The following QSOX2 variants were observed in gnomAD, a reference collection of about 807,000 sequenced individuals.
QSOX2 encodes sulfhydryl oxidase 2.
In QSOX2, 46 loss-of-function variants were observed where a neutral mutation model predicts 61.7. That is an observed-to-expected ratio of 0.75 (90% CI 0.59 to 0.95). The LOEUF is 0.95. Among genes scored for constraint, QSOX2 ranks in the 40% least tolerant of loss-of-function variants. The probability of loss-of-function intolerance (pLI) is 0.00; values close to 1 mark genes in which losing one functional copy is unlikely to be tolerated. For missense variants in QSOX2, 879 were observed against 918.9 expected (o/e 0.96, Z 0.56); for synonymous variants, 383 against 388.4 (o/e 0.99, Z 0.16).
chr9:136,222,476 C>A lies in QSOX2; in HGVS notation c.676-535G>T, dbSNP rs1829146455. 6.6e-6 allele frequency among the ~76,000 whole-genome samples: 1 copy of A among 152,212 alleles called. No homozygotes were observed. Among genetic ancestry groups the A allele is most frequent in the South Asian group, 2.1e-4 (1 of 4,834 alleles). ...GGAAGAAACCCTGCGTGCGCCACCA[C>A]CACATCGGGCGTACGTCTTTCCTTC... On this transcript the variant is annotated intron_variant, in intron 5 of 11. Transcript: ENST00000358701. The surrounding 1 kb of genome is among the most constrained non-coding windows in gnomAD (Gnocchi z 6.9).
chr9:136,221,777 A>G lies in QSOX2; in HGVS notation c.821+19T>C. 1.3e-6 allele frequency: 2 copies of G among 1,577,822 alleles called. No individual in the cohort carries two copies. Among genetic ancestry groups the G allele is most frequent in the Non-Finnish European group, 1.7e-6 (2 of 1,159,176 alleles). ...ACTCCGAGCGGCACGGAGTTCCCAG[A>G]CCCCACCCGGGCACTCACACGTTAA... On this transcript the variant is annotated intron_variant, in intron 6 of 11. Transcript: ENST00000358701. This position sits in a 1 kb window ranked among gnomAD's most constrained non-coding sequence, Gnocchi z 4.5.
At position 136,215,179 on chromosome 9, in the gene QSOX2, G is replaced by A; in HGVS notation, c.1335C>T (p.Thr445=). The change falls in exon 10 of 12, where the codon ACC becomes ACT. Residue 445 remains threonine, a synonymous_variant. Transcript: ENST00000358701. ...CTGTGCCAACCAGTGCATCTGGGTGGGTCGAGGCTTCAACAGTCAAAGTGT... is the reference window on the plus strand; with the variant it reads ...CTGTGCCAACCAGTGCATCTGGGTGAGTCGAGGCTTCAACAGTCAAAGTGT... ...LFHTLTVEAS[T]HPDALVGTGF... is the part of the protein sequence containing the mutation. 6.2e-7 allele frequency: 1 copy of A among 1,614,014 alleles called. No individual in the cohort carries two copies. The highest frequency in any genetic ancestry group is 8.5e-7 in the Non-Finnish European group (1 of 1,179,996).
chr9:136,244,133 A>T lies in QSOX2; in HGVS notation c.328+1343T>A, dbSNP rs139848871. Among the ~76,000 whole-genome samples, 143 of 152,304 alleles carry T rather than the reference A, an allele frequency of 9.4e-4. 2 individuals carry two copies. The East Asian group carries it at 0.014, about 15-fold the overall frequency. On this transcript the variant is annotated intron_variant, in intron 1 of 11. Transcript: ENST00000358701. ...CAGGGCCACCTGCATTTTAATGAAC[A>T]TATCTGTTTCTGCCACTGAATAACA...
At position 136,208,968 on chromosome 9, in the gene QSOX2, A is replaced by T; in HGVS notation, c.1857T>A (p.Pro619=). 3 of 1,613,574 alleles carry T rather than the reference A, an allele frequency of 1.9e-6. No individual in the cohort carries two copies. The highest frequency in any genetic ancestry group is 2.5e-6 in the Non-Finnish European group (3 of 1,179,670). The part of the protein sequence containing the change: ...VRPPGALGPR[P]ALPESLHHSL... ...TGTGATGCAAGCTCTCTGGAAGGGC[A>T]GGCCTGGGGCCCAGTGCACCAGGTG... is the stretch of plus-strand genomic sequence containing the variant. Residue 619 remains proline (P), a synonymous_variant, in exon 12 of 12, where the codon CCT becomes CCA. Transcript: ENST00000358701.
rs1830346813 is a variant in QSOX2, at chr9:136,233,039, A to C, written c.329-6165T>G. ...TGCCCTATTAGGGAAAAAATGCCAC[A>C]AAGGACATGAATTAGGAAGGAAGAG... On this transcript the variant is annotated intron_variant, in intron 1 of 11. Transcript: ENST00000358701. Among the ~76,000 whole-genome samples the C allele has an allele frequency of 2.0e-5, 3 of 152,184 alleles. No individual in the cohort carries two copies. In the South Asian group the frequency reaches 6.2e-4, roughly 32 times the overall value.
chr9:136,216,769 C>G, intron 8 of QSOX2, 47 bp from the exon 9 acceptor site: 1 of 1,605,320 alleles, frequency 6.2e-7, no homozygotes, highest in Non-Finnish European at 8.5e-7. Flanking sequence ...CAAACCCGGG[C>G]CCGCCCCCAC....
Position 136,221,181 on chromosome 9 carries a change from C to T in QSOX2, c.821+615G>A, listed in dbSNP as rs930559233. ...AGGGCTTATCCTCATGAGGGGCACACGGGCACCCCACGCAGGGGCAAAGGG... is the reference window on the plus strand; with the variant it reads ...AGGGCTTATCCTCATGAGGGGCACATGGGCACCCCACGCAGGGGCAAAGGG... On this transcript the variant is annotated intron_variant, in intron 6 of 11. Transcript: ENST00000358701. The surrounding 1 kb of genome is among the most constrained non-coding windows in gnomAD (Gnocchi z 4.5). Among the ~76,000 whole-genome samples the T allele has an allele frequency of 4.0e-5, 6 of 151,090 alleles. No homozygotes were observed. Among genetic ancestry groups the T allele is most frequent in the Non-Finnish European group, 7.4e-5 (5 of 67,902 alleles).
chr9:136,227,010 C>G, intron 1 of QSOX2, 136 bp from the exon 2 acceptor site: 2 of 688,522 alleles, frequency 2.9e-6, no homozygotes, highest in Non-Finnish European at 5.3e-6. Context: ...TCAGTTAGGC[C>G]CTCATCACAC....
At chr9:136,235,614 G>A (rs866579674) in intron 1 of QSOX2, among the ~76,000 whole-genome samples, 1 of 152,214 alleles carries the variant, frequency 6.6e-6, no homozygotes, top group African/African-American at 2.4e-5. Context: ...TAACCACCAC[G>A]ACGTCTGAGT....
chr9:136,228,180 G>A (rs1230158917), intron 1 of QSOX2, among the ~76,000 whole-genome samples: 1 of 152,122 alleles, frequency 6.6e-6, no homozygotes, highest in Non-Finnish European at 1.5e-5. Context: ...CCACCCAGAG[G>A]CAAGCGACGC....
At chr9:136,215,385 G>A (rs1368408019) in intron 9 of QSOX2, 81 bp from the exon 10 acceptor site, 8 of 981,712 alleles carry the variant, frequency 8.1e-6, no homozygotes, top group Non-Finnish European at 1.1e-5. Flanking sequence ...CTGCCTTCTT[G>A]ACTGGGGGGG....
chr9:136,210,091 G>C (rs1461253876), intron 11 of QSOX2: 1 of 985,344 alleles, frequency 1.0e-6, no homozygotes, highest in African/African-American at 1.7e-5. Flanking sequence ...CACTGACTGC[G>C]TGCTTATCCG....
At chr9:136,234,421 C>G (rs1026126507) in intron 1 of QSOX2, among the ~76,000 whole-genome samples, 2 of 152,178 alleles carry the variant, frequency 1.3e-5, no homozygotes, top group African/African-American at 4.8e-5. Flanking sequence ...GGGAGTGCTG[C>G]CCTTCTAACT....
rs1332214742 is a variant in QSOX2 at position 136,223,405 on chromosome 9, G to A, written c.675+358C>T. ...CAAAAATGTTGAGAGTTCAGAATAC[G>A]GCAACGAAAAAAATCTTAGTAATAA... On this transcript the variant is annotated intron_variant, in intron 5 of 11. Transcript: ENST00000358701. The surrounding 1 kb of genome is among the most constrained non-coding windows in gnomAD (Gnocchi z 4.4). Among the ~76,000 whole-genome samples, 1 of 152,052 alleles carries A rather than the reference G, an allele frequency of 6.6e-6. No individual in the cohort carries two copies. The highest frequency in any genetic ancestry group is 1.5e-5 in the Non-Finnish European group (1 of 68,002).
At chr9:136,239,510 CTCCCTGCTTTGT>C (rs1364431295) in intron 1 of QSOX2, among the ~76,000 whole-genome samples, 3 of 152,266 alleles carry the variant, frequency 2.0e-5, no homozygotes, top group Non-Finnish European at 4.4e-5. Context: ...AGGTGGGGAC[CTCCCTGCTTTGT>C]TCCCTGCTGT....
rs760718029 is a variant in QSOX2, at chr9:136,209,133, G to A, written c.1692C>T (p.Arg564=). 47 of 1,614,066 alleles carry A rather than the reference G, an allele frequency of 2.9e-5. No homozygotes were observed. In the East Asian group the frequency reaches 5.6e-4, roughly 19 times the overall value. ...VLTFLKQHYG[R]DNLLDTYSAD... is the part of the protein sequence containing the mutation. The stretch of plus-strand genomic sequence containing the variant: ...CGGAATACGTGTCTAAGAGGTTGTC[G>A]CGGCCATAGTGCTGCTTCAAGAATG... Residue 564 remains arginine, a synonymous_variant, in exon 12 of 12, where the codon CGC becomes CGT. Transcript: ENST00000358701. The surrounding 1 kb of genome is among the most constrained non-coding windows in gnomAD (Gnocchi z 5.6).
At position 136,209,655 on chromosome 9, in the gene QSOX2, C is replaced by T. The variant is rs1253556752; in HGVS notation, c.1550-380G>A. ...TCTCCGCACAGTGCTGCCTGTGTGC[C>T]CCTCCCCCCACTGCTGCCCCTCTGC... On this transcript the variant is annotated intron_variant, in intron 11 of 11. Transcript: ENST00000358701. This position sits in a 1 kb window ranked among gnomAD's most constrained non-coding sequence, Gnocchi z 5.6. 6 of 985,044 alleles carry T rather than the reference C, an allele frequency of 6.1e-6. No individual in the cohort carries two copies. Among genetic ancestry groups the T allele is most frequent in the Non-Finnish European group, 7.2e-6 (6 of 829,834 alleles). The allele number at this position is 985,044 out of a possible 1,614,324, so 61.0% of individuals were successfully genotyped here.
At position 136,208,660 on chromosome 9, in the gene QSOX2, G is replaced by A; in HGVS notation, c.*68C>T. 2 of 1,495,722 alleles carry A rather than the reference G, an allele frequency of 1.3e-6. No homozygotes were observed. Among genetic ancestry groups the A allele is most frequent in the Non-Finnish European group, 1.8e-6 (2 of 1,120,014 alleles). The allele number at this position is 1,495,722 out of a possible 1,614,324, so 92.7% of individuals were successfully genotyped here. ...AAAATCCCTGATCATAAATATTAAA[G>A]CTGCAGGTGGCACGGGGCAGGGCTG... On this transcript the variant is annotated 3_prime_UTR_variant, in exon 12 of 12. Coordinates refer to ENST00000358701, the MANE Select transcript of QSOX2 (RefSeq NM_181701.4).
intron 11 of QSOX2, chr9:136,210,536 G>A (rs1831832279): frequency 2.0e-6 from 2 of 985,350 alleles, no homozygotes; most frequent in Admixed American, 6.1e-5. Flanking sequence ...GAGAGACGGA[G>A]AAGCTGCGCT....
Sources: allele counts gnomAD v4.1 joint callset (sites outside exome capture counted in the v4.1 genomes callset), GRCh38; gene constraint gnomAD v4.1.1; non-coding constraint Gnocchi (gnomAD v3.1); transcripts MANE v1.5; gene names NCBI Gene and HGNC (gene_info 2026-07-23, HGNC 2026-07-21).